The following FOXP1 variants were observed in gnomAD, a reference collection of about 807,000 sequenced individuals.
The protein encoded by FOXP1 is forkhead box P1.
FOXP1 carries 15 observed loss-of-function variants against 98.2 expected under a neutral mutation model. The ratio of observed to expected loss-of-function variants is 0.15; its 90% CI spans 0.10 to 0.24. The LOEUF is 0.24. FOXP1 is among the 10% of genes least tolerant of loss of function. FOXP1 has a pLI of 1.00. For missense variants in FOXP1, 633 were observed against 848.5 expected (o/e 0.75, Z 3.15); for synonymous variants, 371 against 314.5 (o/e 1.18, Z -1.90).
intron 7 of FOXP1, among the ~76,000 whole-genome samples, chr3:71,109,613 G>T (rs2057743553): frequency 6.6e-6 from 1 of 152,176 alleles, no homozygotes; most frequent in Admixed American, 6.5e-5. Flanking sequence ...AGCCACTCCG[G>T]CGGAGACGCC....
intron 3 of FOXP1, among the ~76,000 whole-genome samples, chr3:71,377,659 T>C (rs1344978487): frequency 6.6e-6 from 1 of 152,196 alleles, no homozygotes; most frequent in Non-Finnish European, 1.5e-5. Flanking sequence ...CTTCAGAACA[T>C]ATCAGCTAAT....
chr3:71,473,374 G>GA (rs568052961), intron 3 of FOXP1, among the ~76,000 whole-genome samples: 5 of 151,618 alleles, frequency 3.3e-5, no homozygotes, highest in South Asian at 2.1e-4. Context: ...GGATCGATGT[G>GA]AAAAAAAATG....
At chr3:71,318,908 T>C (rs1352892365) in intron 4 of FOXP1, among the ~76,000 whole-genome samples, 1 of 152,170 alleles carries the variant, frequency 6.6e-6, no homozygotes, top group African/African-American at 2.4e-5. Context: ...ACACCATAAA[T>C]TAACATGGTT....
chr3:71,042,115 T>C (rs1241195968), intron 10 of FOXP1, among the ~76,000 whole-genome samples: 2 of 152,190 alleles, frequency 1.3e-5, no homozygotes, highest in African/African-American at 4.8e-5. Context: ...ATCTTCCTCA[T>C]TAATTTTGGT....
chr3:71,465,667 C>T (rs910484041), intron 3 of FOXP1, among the ~76,000 whole-genome samples: 1 of 152,136 alleles, frequency 6.6e-6, no homozygotes, highest in African/African-American at 2.4e-5. Flanking sequence ...AGTGGAGGTG[C>T]TCTAAGAGTT....
At chr3:71,562,480 G>A (rs556532512) in intron 2 of FOXP1, among the ~76,000 whole-genome samples, 179 of 152,178 alleles carry the variant, frequency 1.2e-3, no homozygotes, top group Non-Finnish European at 2.4e-3. Context: ...ACTATGTGTT[G>A]GGCTGGATTC....
At chr3:71,014,152 A>G (rs2044091628) in intron 12 of FOXP1, among the ~76,000 whole-genome samples, 1 of 152,232 alleles carries the variant, frequency 6.6e-6, no homozygotes, top group Non-Finnish European at 1.5e-5. Context: ...AAATTGACAA[A>G]TGGGATCTAA....
intron 6 of FOXP1, among the ~76,000 whole-genome samples, chr3:71,176,746 A>G (rs1181816853): frequency 7.7e-5 from 4 of 52,148 alleles, no homozygotes; most frequent in South Asian, 4.5e-4. Context: ...GCTATCTCAA[A>G]AAAAAAAAAA....
At chr3:71,092,748 G>A (rs1456688502) in intron 7 of FOXP1, among the ~76,000 whole-genome samples, 1 of 151,934 alleles carries the variant, frequency 6.6e-6, no homozygotes, top group Non-Finnish European at 1.5e-5. Context: ...TTATTTTGAA[G>A]GAAAACTTGA....
At chr3:71,252,860 G>A (rs975122338) in intron 5 of FOXP1, among the ~76,000 whole-genome samples, 1 of 152,190 alleles carries the variant, frequency 6.6e-6, no homozygotes, top group African/African-American at 2.4e-5. Context: ...ACATGTAACA[G>A]CAGACACCTG....
At chr3:71,125,157 TA>T (rs903339681) in intron 6 of FOXP1, among the ~76,000 whole-genome samples, 4 of 152,176 alleles carry the variant, frequency 2.6e-5, no homozygotes, top group African/African-American at 7.2e-5. Context: ...AATATTGAGC[TA>T]GGGGGAGATG....
chr3:70,973,265 G>C (rs994165458), intron 17 of FOXP1, among the ~76,000 whole-genome samples: 1 of 97,388 alleles, frequency 1.0e-5, no homozygotes, highest in African/African-American at 4.2e-5. Context: ...CCCCGGTCAA[G>C]AGATCAGTAG....
chr3:71,533,567 C>T (rs997637892), intron 2 of FOXP1, among the ~76,000 whole-genome samples: 1 of 152,088 alleles, frequency 6.6e-6, no homozygotes, highest in Non-Finnish European at 1.5e-5. Context: ...ATAAGTTACA[C>T]CCAGATTTTC....
At chr3:71,516,840 T>C (rs778897164) in intron 2 of FOXP1, among the ~76,000 whole-genome samples, 5 of 152,106 alleles carry the variant, frequency 3.3e-5, no homozygotes, top group African/African-American at 4.8e-5. Context: ...AGCAAGACTC[T>C]GTCTCAAAAA....
intron 5 of FOXP1, among the ~76,000 whole-genome samples, chr3:71,256,252 G>A (rs1315662826): frequency 6.6e-6 from 1 of 152,042 alleles, no homozygotes; most frequent in Non-Finnish European, 1.5e-5. Flanking sequence ...CAAAAGATGG[G>A]ACTCCAGAGA....
chr3:71,048,231 A>G (rs377593239), intron 9 of FOXP1, among the ~76,000 whole-genome samples: 1 of 152,182 alleles, frequency 6.6e-6, no homozygotes, highest in Non-Finnish European at 1.5e-5. Context: ...TTTTACAACT[A>G]AAAGGACTAT....
chr3:71,356,021 G>A (rs2078129401), intron 4 of FOXP1, among the ~76,000 whole-genome samples: 1 of 152,048 alleles, frequency 6.6e-6, no homozygotes. Context: ...AAGAGGATCT[G>A]TGGGGGACTA....
At chr3:71,237,231 G>GAAAAAAAAAAAAAAAAAAAAAAA (rs757405755) in intron 5 of FOXP1, among the ~76,000 whole-genome samples, 2 of 28,286 alleles carry the variant, frequency 7.1e-5, no homozygotes, top group African/African-American at 1.5e-4. Flanking sequence ...GACTCCATCT[G>GAAAAAAAAAAAAAAAAAAAAAAA]AAAAAAAAAA....
chr3:71,409,332 G>C (rs1383082346), intron 3 of FOXP1, among the ~76,000 whole-genome samples: 1 of 152,070 alleles, frequency 6.6e-6, no homozygotes, highest in Non-Finnish European at 1.5e-5. Flanking sequence ...CATGAGATCA[G>C]GGAGTAGTTT....
Sources: gnomAD v4.1 joint callset for allele counts (sites outside exome capture counted in the v4.1 genomes callset) on GRCh38, gnomAD v4.1.1 for gene constraint, MANE v1.5 for transcripts, NCBI Gene and HGNC (gene_info 2026-07-23, HGNC 2026-07-21) for gene names.